Variants in TMEM132B observed in about 807,000 individuals in gnomAD.
TMEM132B encodes the protein transmembrane protein 132B.
TMEM132B carries 18 observed loss-of-function variants against 90.8 expected under a neutral mutation model. The observed-to-expected ratio is 0.20, with a 90% CI of 0.14 to 0.29. The LOEUF (loss-of-function observed/expected upper bound fraction) is 0.29. TMEM132B is among the 10% of genes least tolerant of loss of function. The pLI, the probability that TMEM132B is intolerant of heterozygous loss-of-function variation, is 1.00. For synonymous variants in TMEM132B, 504 were observed against 523.3 expected (o/e 0.96, Z 0.50); for missense variants, 1,096 against 1,326.8 (o/e 0.83, Z 2.70).
chr12:125,455,684 T>C (rs920661216), intron 3 of TMEM132B, among the ~76,000 whole-genome samples: 1 of 151,072 alleles, frequency 6.6e-6, no homozygotes, highest in East Asian at 1.9e-4. Flanking sequence ...TTTTTTTTTT[T>C]AAGTAATCTG....
chr12:125,532,329 T>A (rs935245468), intron 4 of TMEM132B, among the ~76,000 whole-genome samples: 1 of 152,150 alleles, frequency 6.6e-6, no homozygotes, highest in Non-Finnish European at 1.5e-5. Context: ...ACTCTGTCAA[T>A]ATCATTAATA....
At chr12:125,359,149 C>A (rs550583238) in intron 2 of TMEM132B, among the ~76,000 whole-genome samples, 1 of 152,182 alleles carries the variant, frequency 6.6e-6, no homozygotes, top group Non-Finnish European at 1.5e-5. Flanking sequence ...TGAATCACTG[C>A]ATTTCTTAAT....
intron 1 of TMEM132B, among the ~76,000 whole-genome samples, chr12:125,343,494 C>T (rs1877259845): frequency 1.3e-5 from 2 of 152,212 alleles, no homozygotes; most frequent in Non-Finnish European, 2.9e-5. Flanking sequence ...TGGTTAACTC[C>T]TTGGCCTCAT....
At chr12:125,550,916 G>A in intron 4 of TMEM132B, among the ~76,000 whole-genome samples, 1 of 152,156 alleles carries the variant, frequency 6.6e-6, no homozygotes, top group East Asian at 1.9e-4. Flanking sequence ...AGGTTCAAGT[G>A]ATTCTCCCCC....
rs144393702 is a variant in TMEM132B at position 125,317,103 on chromosome 12, G to T, written c.68-32349G>T. Among the ~76,000 whole-genome samples, 283 of 151,982 alleles carry T rather than the reference G, an allele frequency of 1.9e-3. 2 individuals are homozygous for T. The highest frequency in any genetic ancestry group is 6.6e-3 in the African/African-American group (273 of 41,470). ...TGGGGACAGAACCCCTTGTTATCCCGATCCTTCTCCATCATCAGCCTGGCA... is the reference window on the plus strand; with the variant it reads ...TGGGGACAGAACCCCTTGTTATCCCTATCCTTCTCCATCATCAGCCTGGCA... On this transcript the variant is annotated intron_variant, in intron 1 of 8. Coordinates refer to ENST00000682704, the MANE Select transcript of TMEM132B (RefSeq NM_001366854.1).
intron 3 of TMEM132B, among the ~76,000 whole-genome samples, chr12:125,457,260 A>G (rs1366301424): frequency 6.6e-6 from 1 of 152,112 alleles, no homozygotes. Context: ...TTCTCCCCTA[A>G]GACTGTCTTT....
intron 3 of TMEM132B, among the ~76,000 whole-genome samples, chr12:125,451,377 T>C (rs888287059): frequency 2.6e-5 from 4 of 152,098 alleles, no homozygotes; most frequent in Non-Finnish European, 5.9e-5. Flanking sequence ...TACGTATGTA[T>C]ATATTGGGGG....
At position 125,583,945 on chromosome 12, in the gene TMEM132B, A is replaced by G; in HGVS notation, c.1388A>G (p.Asp463Gly). ...VGVQEDGSVV[D>G]VSESVECKSA... ...GTCCAGGAGGATGGTTCTGTGGTCG[A>G]TGTGTCTGAGTCTGTGGAATGCAAG... The change falls in exon 5 of 9, where the codon GAT (aspartate) becomes GGT (glycine). Residue 463 changes from aspartate (D) to glycine (G), a missense_variant. Asp to Gly is a moderately conservative substitution (Grantham distance 94, BLOSUM62 -1). Coordinates refer to ENST00000682704, the MANE Select transcript of TMEM132B (RefSeq NM_001366854.1). 1 of 1,614,098 alleles carries G rather than the reference A, an allele frequency of 6.2e-7. No individual in the cohort carries two copies. Among genetic ancestry groups the G allele is most frequent in the Non-Finnish European group, 8.5e-7 (1 of 1,180,026 alleles).
intron 5 of TMEM132B, among the ~76,000 whole-genome samples, chr12:125,600,984 A>G (rs1055748862): frequency 1.3e-5 from 2 of 152,222 alleles, no homozygotes; most frequent in African/African-American, 4.8e-5. Context: ...CTTAAGACCT[A>G]CAAAGAGATT....
chr12:125,567,043 C>A (rs1222531655), intron 4 of TMEM132B, among the ~76,000 whole-genome samples: 1 of 151,936 alleles, frequency 6.6e-6, no homozygotes, highest in Admixed American at 6.6e-5. Context: ...GGGGTTTCAC[C>A]ATGTAGGCCA....
chr12:125,216,767 G>A (rs778606912), intron 1 of TMEM132B, among the ~76,000 whole-genome samples: 9 of 152,228 alleles, frequency 5.9e-5, no homozygotes, highest in South Asian at 2.1e-4. Flanking sequence ...GAGTGCAGCC[G>A]TGGGGACTTG....
intron 3 of TMEM132B, among the ~76,000 whole-genome samples, chr12:125,494,971 C>T (rs574310176): frequency 3.7e-4 from 49 of 131,982 alleles, no homozygotes; most frequent in African/African-American, 1.3e-3. Flanking sequence ...CGTCCCTCCT[C>T]CCCCTCCTCC....
intron 1 of TMEM132B, among the ~76,000 whole-genome samples, chr12:125,285,706 A>G (rs1243772145): frequency 6.6e-6 from 1 of 152,058 alleles, no homozygotes; most frequent in African/African-American, 2.4e-5. Context: ...GCCCCCACCC[A>G]TACCCCAGAT....
At chr12:125,356,762 C>T (rs1877786066) in intron 2 of TMEM132B, among the ~76,000 whole-genome samples, 1 of 152,230 alleles carries the variant, frequency 6.6e-6, no homozygotes, top group African/African-American at 2.4e-5. Flanking sequence ...TCTCCCCACT[C>T]AGCAACAGCC....
chr12:125,500,669 A>G (rs1882672918), intron 3 of TMEM132B, among the ~76,000 whole-genome samples: 1 of 152,238 alleles, frequency 6.6e-6, no homozygotes, highest in Admixed American at 6.5e-5. Flanking sequence ...CAATCTAGAA[A>G]TAGAAAAATA....
intron 4 of TMEM132B, among the ~76,000 whole-genome samples, chr12:125,563,300 C>T (rs1273583579): frequency 6.6e-6 from 1 of 151,964 alleles, no homozygotes; most frequent in African/African-American, 2.4e-5. Flanking sequence ...TGCCAGAAAC[C>T]TTCAATTTGT....
chr12:125,270,078 G>A (rs1874793477), intron 1 of TMEM132B, among the ~76,000 whole-genome samples: 1 of 150,766 alleles, frequency 6.6e-6, no homozygotes. Context: ...AGCTAAGCAT[G>A]GCCAGAAAGC....
intron 4 of TMEM132B, among the ~76,000 whole-genome samples, chr12:125,579,362 G>GT (rs1885001365): frequency 2.1e-5 from 3 of 141,908 alleles, no homozygotes; most frequent in African/African-American, 7.8e-5. Flanking sequence ...TCTCATACTT[G>GT]CTTTTTTTTT....
At chr12:125,610,220 T>G (rs930129604) in intron 5 of TMEM132B, among the ~76,000 whole-genome samples, 11 of 152,146 alleles carry the variant, frequency 7.2e-5, no homozygotes, top group African/African-American at 2.4e-4. Flanking sequence ...TCTAGGTACC[T>G]TTTATTTCAT....
Sources: allele counts gnomAD v4.1 joint callset (sites outside exome capture counted in the v4.1 genomes callset), GRCh38; gene constraint gnomAD v4.1.1; transcripts MANE v1.5; gene names NCBI Gene and HGNC (gene_info 2026-07-23, HGNC 2026-07-21).